Variants in RNF181 observed in about 807,000 individuals in gnomAD.
RNF181 encodes the protein ring finger protein 181, also known as E3 ubiquitin-protein ligase RNF181.
A neutral mutation model predicts 23.3 loss-of-function variants in RNF181; 25 were observed. The ratio of observed to expected loss-of-function variants is 1.07; its 90% CI spans 0.78 to 1.50. RNF181 has a LOEUF of 1.50. RNF181 is among the 40% of genes most tolerant of loss of function. The pLI is 0.00. For synonymous variants in RNF181, 62 were observed against 70.9 expected, an observed-to-expected ratio of 0.87 and a Z score of 0.63; for missense variants, 167 against 191.1, an observed-to-expected ratio of 0.87 and a Z score of 0.74.
Position 85,597,190 on chromosome 2 carries a change from T to G in RNF181, c.402+12T>G. 3 of 1,605,272 alleles carry G rather than the reference T, an allele frequency of 1.9e-6. No individual in the cohort carries two copies. The South Asian group carries it at 3.3e-5, about 18-fold the overall frequency. The stretch of plus-strand genomic sequence containing the variant: ...ACAGACGAGATAAGGTAGGGGCTGA[T>G]GCTTAAGTGGAGGGGTCGTAATGGG... On this transcript the variant is annotated intron_variant, in intron 4 of 4. Coordinates refer to ENST00000306368, the MANE Select transcript of RNF181 (RefSeq NM_016494.4).
At chr2:85,595,935 C>A in intron 1 of RNF181, 86 bp downstream of exon 1, 1 of 1,199,346 alleles carries the variant, frequency 8.3e-7, no homozygotes, top group African/African-American at 1.5e-5. Flanking sequence ...CCAGGGGCAG[C>A]GGATTCTGGG....
Position 85,597,497 on chromosome 2 carries a change from A to G in RNF181, c.455A>G (p.Tyr152Cys). 1 of 1,613,614 alleles carries G rather than the reference A, an allele frequency of 6.2e-7. No individual in the cohort carries two copies. The highest frequency in any genetic ancestry group is 8.5e-7 in the Non-Finnish European group (1 of 1,179,828). ...CTGGAGAACCTCCATGGAGCCATGT[A>G]CACGTGAGGAGGTTGGGGCTGAGTG... Reference protein sequence around the residue: ...HRLENLHGAMYT With the variant: ...HRLENLHGAMCT Residue 152 changes from tyrosine (Y) to cysteine (C), a missense_variant, in exon 5 of 5, where the codon TAC (tyrosine) becomes TGC (cysteine). Transcript: ENST00000306368.
chr2:85,596,432 C>A, intron 1 of RNF181, 87 bp from the exon 2 acceptor site: 1 of 1,363,912 alleles, frequency 7.3e-7, no homozygotes, highest in Non-Finnish European at 1.0e-6. Context: ...ACTAGCTGGG[C>A]AGCGTGTTTA....
rs767430246 is a variant in RNF181, at chr2:85,595,794, G to T, written c.31G>T (p.Glu11Ter). 11 of 1,613,996 alleles carry T rather than the reference G, an allele frequency of 6.8e-6. No individual in the cohort carries two copies. The highest frequency in any genetic ancestry group is 1.7e-5 in the Admixed American group (1 of 60,010). The change falls in exon 1 of 5, where the codon GAG becomes TAG. Residue 11 changes from glutamate (E) to a stop codon, truncating the protein, a stop_gained. Coordinates refer to ENST00000306368, the MANE Select transcript of RNF181 (RefSeq NM_016494.4). LOFTEE classifies it high-confidence loss of function. The part of the protein sequence containing the change: MASYFDEHDC[E>*]PSDPEQETRT... ...GTCCTATTTCGATGAACACGACTGC[G>T]AGCCGTCGGACCCTGAGCAGGAGAC...
At position 85,596,572 on chromosome 2, in the gene RNF181, A is replaced by G; in HGVS notation, c.140A>G (p.Asp47Gly). 6.2e-7 allele frequency: 1 copy of G among 1,613,982 alleles called. No homozygotes were observed. The highest frequency in any genetic ancestry group is 8.5e-7 in the Non-Finnish European group (1 of 1,179,958). Reference protein sequence around the residue: ...FEDLGLVVDWDHHLPPPAAKT... With the variant: ...FEDLGLVVDWGHHLPPPAAKT... ...GACTTGGGGTTGGTAGTAGATTGGG[A>G]CCACCACCTGCCTCCACCAGCTGCC... The change falls in exon 2 of 5, where the codon GAC becomes GGC. Residue 47 changes from aspartate (D) to glycine (G), a missense_variant. Asp to Gly is a moderately conservative substitution (Grantham distance 94). Coordinates refer to ENST00000306368, the MANE Select transcript of RNF181 (RefSeq NM_016494.4).
chr2:85,595,907 G>A (rs1427431322), intron 1 of RNF181, 58 bp downstream of exon 1: 4 of 1,476,546 alleles, frequency 2.7e-6, no homozygotes, highest in Non-Finnish European at 3.8e-6. Context: ...GCTGGGGCTG[G>A]CTGGAGAAGG....
At chr2:85,596,429 G>T in intron 1 of RNF181, 90 bp from the exon 2 acceptor site, 4 of 1,339,732 alleles carry the variant, frequency 3.0e-6, no homozygotes, top group African/African-American at 3.0e-5. Flanking sequence ...CCTACTAGCT[G>T]GGCAGCGTGT....
rs572756841 is a variant in RNF181 at position 85,596,596 on chromosome 2, C to T, written c.164C>T (p.Ala55Val). Residue 55 changes from alanine (A) to valine (V), a missense_variant, in exon 2 of 5, where the codon GCC becomes GTC. Ala to Val is a moderately conservative substitution (Grantham distance 64, BLOSUM62 0). Coordinates refer to ENST00000306368, the MANE Select transcript of RNF181 (RefSeq NM_016494.4). ...DWDHHLPPPAAKTVVENLPRT... is the reference protein window; with the variant it reads ...DWDHHLPPPAVKTVVENLPRT... ...GACCACCACCTGCCTCCACCAGCTGCCAAGACTGTGGTTGAGAACCTCCCC... is the reference window on the plus strand; with the variant it reads ...GACCACCACCTGCCTCCACCAGCTGTCAAGACTGTGGTTGAGAACCTCCCC... 4.3e-6 allele frequency: 7 copies of T among 1,614,124 alleles called. No homozygotes were observed. The South Asian group carries it at 7.7e-5, about 18-fold the overall frequency.
At position 85,596,555 on chromosome 2, in the gene RNF181, G is replaced by T. The variant is rs1380208854; in HGVS notation, c.123G>T (p.Gly41=). ...ATAGGATGGACTTTGAAGACTTGGG[G>T]TTGGTAGTAGATTGGGACCACCACC... ...LFNRMDFEDL[G]LVVDWDHHLP... The change falls in exon 2 of 5, where the codon GGG becomes GGT. Residue 41 remains glycine, a synonymous_variant. Coordinates refer to ENST00000306368, the MANE Select transcript of RNF181 (RefSeq NM_016494.4). 7 of 1,613,890 alleles carry T rather than the reference G, an allele frequency of 4.3e-6. No individual in the cohort carries two copies. The highest frequency in any genetic ancestry group is 3.3e-5 in the Admixed American group (2 of 59,962).
Position 85,597,558 on chromosome 2 carries a change from C to G in RNF181, c.*54C>G. The G allele has an allele frequency of 6.2e-7, 1 of 1,609,834 alleles. No individual in the cohort carries two copies. Among genetic ancestry groups the G allele is most frequent in the Non-Finnish European group, 8.5e-7 (1 of 1,178,256 alleles). ...GCGTCTTCCTTATTAACCTTGAATCCTCATTAAAGGTTTCTTTACCCACCC... is the reference window on the plus strand; with the variant it reads ...GCGTCTTCCTTATTAACCTTGAATCGTCATTAAAGGTTTCTTTACCCACCC... On this transcript the variant is annotated 3_prime_UTR_variant, in exon 5 of 5. Transcript: ENST00000306368.
chr2:85,596,496 TG>T (rs1400073010), intron 1 of RNF181, 22 bp from the exon 2 acceptor site: 8 of 1,575,414 alleles, frequency 5.1e-6, no homozygotes, highest in Admixed American at 1.9e-5. Flanking sequence ...TCCTTTGTTC[TG>T]ACTTTACATC....
chr2:85,595,836 C>T lies in RNF181; in HGVS notation c.73C>T (p.Leu25=). The T allele has an allele frequency of 1.2e-6, 2 of 1,613,932 alleles. No individual in the cohort carries two copies. Among genetic ancestry groups the T allele is most frequent in the African/African-American group, 1.3e-5 (1 of 75,066 alleles). ...PEQETRTNML[L]ELARSLFNRM... ...GCAGGAGACGCGAACCAACATGCTG[C>T]TGGAGCTCGCAAGGTGGGTGCGCGG... The change falls in exon 1 of 5, where the codon CTG becomes TTG. Residue 25 remains leucine, a synonymous_variant. Coordinates refer to ENST00000306368, the MANE Select transcript of RNF181 (RefSeq NM_016494.4).
intron 1 of RNF181, among the ~76,000 whole-genome samples, 198 bp from the exon 2 acceptor site, chr2:85,596,321 C>G (rs1309870131): frequency 6.6e-6 from 1 of 151,808 alleles, no homozygotes; most frequent in African/African-American, 2.4e-5. Context: ...GGAATAAACA[C>G]TTTACGTGCT....
At position 85,597,470 on chromosome 2, in the gene RNF181, G is replaced by T; in HGVS notation, c.428G>T (p.Arg143Leu). 2 of 1,612,380 alleles carry T rather than the reference G, an allele frequency of 1.2e-6. No individual in the cohort carries two copies. The highest frequency in any genetic ancestry group is 2.2e-5 in the South Asian group (2 of 90,860). Residue 143 changes from arginine to leucine, a missense_variant, in exon 5 of 5, where the codon CGA becomes CTA. Physicochemically the swap from Arg to Leu is moderately radical, Grantham distance 102 (BLOSUM62 -2). Transcript: ENST00000306368. ...GCTCGAAAACAGCAGCAGCAACACCGACTGGAGAACCTCCATGGAGCCATG... is the reference window on the plus strand; with the variant it reads ...GCTCGAAAACAGCAGCAGCAACACCTACTGGAGAACCTCCATGGAGCCATG... ...DKARKQQQQH[R>L]LENLHGAMYT
Position 85,597,508 on chromosome 2 carries a change from G to A in RNF181, c.*4G>A. On this transcript the variant is annotated 3_prime_UTR_variant, in exon 5 of 5. Transcript: ENST00000306368. ...CCATGGAGCCATGTACACGTGAGGA[G>A]GTTGGGGCTGAGTGCTGGCCCTCTG... The A allele has an allele frequency of 6.2e-7, 1 of 1,613,738 alleles. No individual in the cohort carries two copies.
Position 85,596,821 on chromosome 2 carries a change from G to A in RNF181, c.218-1G>A. On this transcript the variant is annotated splice_acceptor_variant, in intron 2 of 4. Transcript: ENST00000306368. LOFTEE classifies it high-confidence loss of function. ...CTCCTGATCAGCACTCCTTCCTAAA[G>A]AGCTCAAGTGCCCCGTGTGTCTTTT... 2 of 1,613,928 alleles carry A rather than the reference G, an allele frequency of 1.2e-6. No individual in the cohort carries two copies. Among genetic ancestry groups the A allele is most frequent in the African/African-American group, 2.7e-5 (2 of 74,866 alleles).
Position 85,595,787 on chromosome 2 carries a change from C to A in RNF181, c.24C>A (p.His8Gln). 2 of 1,613,958 alleles carry A rather than the reference C, an allele frequency of 1.2e-6. No individual in the cohort carries two copies. The highest frequency in any genetic ancestry group is 1.7e-6 in the Non-Finnish European group (2 of 1,179,986). MASYFDE[H>Q]DCEPSDPEQE... ...CCATGGCGTCCTATTTCGATGAACA[C>A]GACTGCGAGCCGTCGGACCCTGAGC... The change falls in exon 1 of 5, where the codon CAC becomes CAA. Residue 8 changes from histidine to glutamine, a missense_variant. Transcript: ENST00000306368.
chr2:85,596,413 A>G (rs1330638021), intron 1 of RNF181, 106 bp from the exon 2 acceptor site: 9 of 1,185,840 alleles, frequency 7.6e-6, no homozygotes, highest in South Asian at 4.6e-5. Flanking sequence ...AAGGGTAGCT[A>G]TTATTCCTAC....
Position 85,597,684 on chromosome 2 carries a change from G to A in RNF181, c.*180G>A. 2.4e-6 allele frequency: 3 copies of A among 1,266,690 alleles called. No homozygotes were observed. The highest frequency in any genetic ancestry group is 3.1e-6 in the Non-Finnish European group (3 of 955,454). The allele number at this position is 1,266,690 out of a possible 1,614,324, so 78.5% of individuals were successfully genotyped here. A position where few individuals can be genotyped will look rare whatever the true frequency, so the allele number is the denominator to read the frequency against. On this transcript the variant is annotated 3_prime_UTR_variant, in exon 5 of 5. Coordinates refer to ENST00000306368, the MANE Select transcript of RNF181 (RefSeq NM_016494.4). ...GATCCTAAATCGCAGAAGGCACCAG[G>A]CTGCGGTTTTCCTCCCTGCTGGCCC...
Sources: allele counts gnomAD v4.1 joint callset (sites outside exome capture counted in the v4.1 genomes callset), GRCh38; gene constraint gnomAD v4.1.1; transcripts MANE v1.5; gene names NCBI Gene and HGNC (gene_info 2026-07-23, HGNC 2026-07-21).